The following TEAD1 variants were observed in gnomAD, a reference collection of about 807,000 sequenced individuals.
TEAD1 encodes the protein transcriptional enhancer factor TEF-1.
A neutral mutation model predicts 54.9 loss-of-function variants in TEAD1; 9 were observed. That is an observed-to-expected ratio of 0.16 (90% CI 0.10 to 0.29). TEAD1 has a LOEUF of 0.29. Among genes scored for constraint, TEAD1 ranks in the 10% least tolerant of loss-of-function variants. TEAD1 has a pLI of 1.00. For missense variants in TEAD1, 387 were observed against 535.9 expected (o/e 0.72, Z 2.74); for synonymous variants, 200 against 187.8 (o/e 1.07, Z -0.53).
intron 3 of TEAD1, among the ~76,000 whole-genome samples, chr11:12,780,794 G>A (rs2133947630): frequency 6.6e-6 from 1 of 152,278 alleles, no homozygotes; most frequent in East Asian, 1.9e-4. Flanking sequence ...TTGATCTACA[G>A]ATTCAGTGAA....
Position 12,818,290 on chromosome 11 carries a change from C to G in TEAD1, c.203-43960C>G, listed in dbSNP as rs551380479. On this transcript the variant is annotated intron_variant, in intron 3 of 12. Coordinates refer to ENST00000527636, the MANE Select transcript of TEAD1 (RefSeq NM_021961.6). ...AATCCCTTTCTCAAGGTTCTACATCCTGCCTCCATGAAATTTGGTGTCACC... is the reference window on the plus strand; with the variant it reads ...AATCCCTTTCTCAAGGTTCTACATCGTGCCTCCATGAAATTTGGTGTCACC... Among the ~76,000 whole-genome samples the G allele has an allele frequency of 1.6e-3, 244 of 152,336 alleles. 2 individuals are homozygous for G. The highest frequency in any genetic ancestry group is 6.8e-3 in the Middle Eastern group (2 of 294).
chr11:12,847,684 A>G (rs911325632), intron 3 of TEAD1, among the ~76,000 whole-genome samples: 3 of 152,036 alleles, frequency 2.0e-5, no homozygotes, highest in African/African-American at 7.3e-5. Flanking sequence ...TTAGAAATTT[A>G]TTTTATTTTA....
intron 2 of TEAD1, among the ~76,000 whole-genome samples, chr11:12,692,924 T>C (rs1344411625): frequency 6.6e-6 from 1 of 152,142 alleles, no homozygotes; most frequent in African/African-American, 2.4e-5. Context: ...GAACAGCCTG[T>C]GTTTTTTGTG....
intron 3 of TEAD1, among the ~76,000 whole-genome samples, chr11:12,785,514 A>G (rs1186238937): frequency 6.6e-6 from 1 of 152,212 alleles, no homozygotes; most frequent in Non-Finnish European, 1.5e-5. Flanking sequence ...AATGTTAACA[A>G]TGACACCAGG....
intron 3 of TEAD1, among the ~76,000 whole-genome samples, chr11:12,822,991 A>C (rs1020974143): frequency 6.6e-6 from 1 of 152,206 alleles, no homozygotes; most frequent in Non-Finnish European, 1.5e-5. Context: ...TCAAGACAAC[A>C]TTTTTAGTAG....
In TEAD1 at chr11:12,937,403, C is replaced by A; in HGVS notation, c.*181C>A. On this transcript the variant is annotated 3_prime_UTR_variant, in exon 13 of 13. Coordinates refer to ENST00000527636, the MANE Select transcript of TEAD1 (RefSeq NM_021961.6). ...GAGTGAAGTCATTTTTTCATGTGTT[C>A]ATACTATCATTGTAGCTGTGAAGTT... The A allele has an allele frequency of 1.9e-6, 1 of 534,096 alleles. No homozygotes were observed. The highest frequency in any genetic ancestry group is 2.2e-5 in the South Asian group (1 of 45,676). 33.1% of individuals were successfully genotyped at this position (534,096 alleles called of 1,614,324 possible).
intron 3 of TEAD1, among the ~76,000 whole-genome samples, chr11:12,861,107 G>A (rs1212349251): frequency 6.6e-6 from 1 of 152,206 alleles, no homozygotes. Context: ...TAGAAAGTAT[G>A]TAGAAATAAT....
At chr11:12,910,913 A>G (rs1212344058) in intron 10 of TEAD1, among the ~76,000 whole-genome samples, 1 of 151,968 alleles carries the variant, frequency 6.6e-6, no homozygotes, top group Non-Finnish European at 1.5e-5. Flanking sequence ...TGCCCAGCTA[A>G]TTTTTGTATT....
chr11:12,848,480 A>C (rs1947201863), intron 3 of TEAD1, among the ~76,000 whole-genome samples: 1 of 152,350 alleles, frequency 6.6e-6, no homozygotes, highest in South Asian at 2.1e-4. Context: ...TCTAATGTTA[A>C]GGATTAAGGA....
chr11:12,744,339 A>G (rs951619961), intron 2 of TEAD1, among the ~76,000 whole-genome samples: 8 of 152,208 alleles, frequency 5.3e-5, no homozygotes, highest in African/African-American at 1.9e-4. Flanking sequence ...GTTTGCTACA[A>G]CAGTGAAAAG....
chr11:12,766,887 T>C lies in TEAD1; in HGVS notation c.202+2453T>C, dbSNP rs534577401. On this transcript the variant is annotated intron_variant, in intron 3 of 12. Coordinates refer to ENST00000527636, the MANE Select transcript of TEAD1 (RefSeq NM_021961.6). ...CAGCCTGGGAGAGTGTGTATCCTAA[T>C]TGGGGCTCAGAAGATGCGTTGGATG... is the stretch of plus-strand genomic sequence containing the variant. 2.6e-5 allele frequency among the ~76,000 whole-genome samples: 4 copies of C among 152,292 alleles called. No homozygotes were observed. The South Asian group carries it at 8.3e-4, about 32-fold the overall frequency.
chr11:12,773,941 T>C (rs565023163), intron 3 of TEAD1, among the ~76,000 whole-genome samples: 2 of 152,352 alleles, frequency 1.3e-5, no homozygotes, highest in African/African-American at 4.8e-5. Flanking sequence ...TGTAGGTCTG[T>C]GATGCATATT....
rs370856457 is a variant in TEAD1, at chr11:12,879,855, C to G, written c.465+13C>G. 6.2e-7 allele frequency: 1 copy of G among 1,612,798 alleles called. No individual in the cohort carries two copies. Among genetic ancestry groups the G allele is most frequent in the Non-Finnish European group, 8.5e-7 (1 of 1,180,032 alleles). The stretch of plus-strand genomic sequence containing the variant: ...AGGGGCGCCGGGGGTAAGTCATGAG[C>G]TCAGTCCAGTAATGACAGCTGCTGG... On this transcript the variant is annotated intron_variant, in intron 6 of 12. Coordinates refer to ENST00000527636, the MANE Select transcript of TEAD1 (RefSeq NM_021961.6).
chr11:12,698,291 C>A (rs187181282), intron 2 of TEAD1, among the ~76,000 whole-genome samples: 1 of 152,082 alleles, frequency 6.6e-6, no homozygotes, highest in East Asian at 1.9e-4. Flanking sequence ...CCTTGCTGCG[C>A]TCTCTCTTTT....
At chr11:12,915,135 G>C (rs546002186) in intron 10 of TEAD1, among the ~76,000 whole-genome samples, 1 of 152,156 alleles carries the variant, frequency 6.6e-6, no homozygotes, top group Non-Finnish European at 1.5e-5. Context: ...AGGAAGGGAA[G>C]GTCCACAGCC....
rs371827127 is a variant in TEAD1 at position 12,797,770 on chromosome 11, C to T, written c.202+33336C>T. 5.9e-5 allele frequency among the ~76,000 whole-genome samples: 9 copies of T among 152,084 alleles called. No homozygotes were observed. The South Asian group carries it at 8.3e-4, about 14-fold the overall frequency. ...TCCCATACATTGAAAATGGAATTCT[C>T]CAACTTCTCTTGTTTTCTGGCTTGC... On this transcript the variant is annotated intron_variant, in intron 3 of 12. Coordinates refer to ENST00000527636, the MANE Select transcript of TEAD1 (RefSeq NM_021961.6).
rs115918426 is a variant in TEAD1 at position 12,878,418 on chromosome 11, G to T, written c.331-1290G>T. Reference sequence around the variant, plus strand: ...GCTCCCTTTGACGTTCCCTGGAGGTGGAAAGCACTCTTTTTATTTTGATGT... The same window carrying T: ...GCTCCCTTTGACGTTCCCTGGAGGTTGAAAGCACTCTTTTTATTTTGATGT... On this transcript the variant is annotated intron_variant, in intron 5 of 12. Coordinates refer to ENST00000527636, the MANE Select transcript of TEAD1 (RefSeq NM_021961.6). Among the ~76,000 whole-genome samples, 1,300 of 152,212 alleles carry T rather than the reference G, an allele frequency of 8.5e-3. 23 individuals are homozygous for T. The highest frequency in any genetic ancestry group is 0.03 in the African/African-American group (1,242 of 41,544).
At chr11:12,876,841 T>C (rs1361102246) in intron 5 of TEAD1, among the ~76,000 whole-genome samples, 1 of 152,112 alleles carries the variant, frequency 6.6e-6, no homozygotes. Context: ...ATGGAGTTGG[T>C]GTGACTAGGG....
At chr11:12,794,864 C>T (rs971526273) in intron 3 of TEAD1, among the ~76,000 whole-genome samples, 3 of 152,240 alleles carry the variant, frequency 2.0e-5, no homozygotes, top group Non-Finnish European at 4.4e-5. Context: ...TGATAACTCC[C>T]TGGCGCTTAT....
Sources: allele counts gnomAD v4.1 joint callset (sites outside exome capture counted in the v4.1 genomes callset), GRCh38; gene constraint gnomAD v4.1.1; transcripts MANE v1.5; gene names NCBI Gene and HGNC (gene_info 2026-07-23, HGNC 2026-07-21).